Variants in ASTN2 observed in about 807,000 individuals in gnomAD.
ASTN2 encodes astrotactin 2.
A neutral mutation model predicts 139.8 loss-of-function variants in ASTN2; 54 were observed. The observed-to-expected ratio is 0.39, with a 90% CI of 0.31 to 0.48. The LOEUF is 0.48. Among genes scored for constraint, ASTN2 ranks in the 20% least tolerant of loss-of-function variants. The pLI, the probability that ASTN2 is intolerant of heterozygous loss-of-function variation, is 0.95. For missense variants in ASTN2, 1,565 were observed against 1,725.1 expected (o/e 0.91, Z 1.64); for synonymous variants, 756 against 719.5 (o/e 1.05, Z -0.81).
intron 16 of ASTN2, among the ~76,000 whole-genome samples, chr9:116,718,380 G>A (rs1828373180): frequency 6.6e-6 from 1 of 152,182 alleles, no homozygotes; most frequent in Admixed American, 6.5e-5. Flanking sequence ...GAGGCCATGG[G>A]AAGGAATTTG....
Position 117,336,245 on chromosome 9 carries a change from T to G in ASTN2, c.443-44732A>C, listed in dbSNP as rs115935652. ...CACTGGTGCACAGCTCCCAAGAGAC[T>G]GTATGGGGAATAATCCTTTGTAAGA... is the stretch of plus-strand genomic sequence containing the variant. On this transcript the variant is annotated intron_variant, in intron 1 of 22. Coordinates refer to ENST00000313400, the MANE Select transcript of ASTN2 (RefSeq NM_001365068.1). 8.5e-3 allele frequency among the ~76,000 whole-genome samples: 1,292 copies of G among 152,236 alleles called. 18 individuals carry two copies. The highest frequency in any genetic ancestry group is 0.03 in the African/African-American group (1,235 of 41,540).
At chr9:117,140,442 T>A (rs1465276722) in intron 4 of ASTN2, among the ~76,000 whole-genome samples, 1 of 151,886 alleles carries the variant, frequency 6.6e-6, no homozygotes, top group Non-Finnish European at 1.5e-5. Flanking sequence ...AGCTAGAGAC[T>A]ACTGAGTAGA....
intron 3 of ASTN2, among the ~76,000 whole-genome samples, chr9:117,199,515 G>T (rs962262028): frequency 6.6e-6 from 1 of 152,128 alleles, no homozygotes; most frequent in African/African-American, 2.4e-5. Context: ...CGCTGTTTTG[G>T]TTGCTGTAGG....
intron 13 of ASTN2, among the ~76,000 whole-genome samples, chr9:116,747,877 T>A (rs892208510): frequency 6.6e-6 from 1 of 152,170 alleles, no homozygotes; most frequent in Non-Finnish European, 1.5e-5. Flanking sequence ...ACTCCTGCCC[T>A]GGTAATTGCG....
chr9:116,596,177 A>G (rs1294414587), intron 19 of ASTN2, among the ~76,000 whole-genome samples: 1 of 152,254 alleles, frequency 6.6e-6, no homozygotes, highest in African/African-American at 2.4e-5. Flanking sequence ...TAAGCCAGTC[A>G]CAGAAGAACA....
intron 3 of ASTN2, among the ~76,000 whole-genome samples, chr9:117,164,465 G>A (rs1484639213): frequency 6.6e-6 from 1 of 152,112 alleles, no homozygotes; most frequent in Non-Finnish European, 1.5e-5. Flanking sequence ...ATAAAGGAGA[G>A]CAGAATCCTA....
At chr9:116,476,904 C>T (rs1411543172) in intron 20 of ASTN2, among the ~76,000 whole-genome samples, 1 of 152,160 alleles carries the variant, frequency 6.6e-6, no homozygotes, top group East Asian at 1.9e-4. Flanking sequence ...ACATCCTGTC[C>T]CTCCTCCAGT....
At chr9:116,432,627 C>T (rs1847532406) in intron 22 of ASTN2, among the ~76,000 whole-genome samples, 1 of 152,152 alleles carries the variant, frequency 6.6e-6, no homozygotes, top group Non-Finnish European at 1.5e-5. Flanking sequence ...CTTTACTGTG[C>T]AAGAATAATG....
intron 4 of ASTN2, among the ~76,000 whole-genome samples, chr9:117,103,435 G>A (rs1470328492): frequency 6.6e-6 from 1 of 152,172 alleles, no homozygotes; most frequent in Non-Finnish European, 1.5e-5. Context: ...GGTGTGCTCT[G>A]GGGCTAATCA....
intron 3 of ASTN2, among the ~76,000 whole-genome samples, chr9:117,203,310 T>TGAAGCC (rs1337780432): frequency 2.0e-5 from 3 of 152,122 alleles, no homozygotes; most frequent in Non-Finnish European, 4.4e-5. Context: ...TGGTTTTTTA[T>TGAAGCC]TACCCATCTT....
At chr9:116,742,505 T>C (rs1564243473) in intron 13 of ASTN2, among the ~76,000 whole-genome samples, 1 of 152,074 alleles carries the variant, frequency 6.6e-6, no homozygotes, top group Non-Finnish European at 1.5e-5. Context: ...AGTACAAGGG[T>C]AGTGTCAATA....
chr9:116,431,441 A>T, intron 22 of ASTN2, among the ~76,000 whole-genome samples: 1 of 152,184 alleles, frequency 6.6e-6, no homozygotes, highest in East Asian at 1.9e-4. Flanking sequence ...TAATGGCTTC[A>T]TTCATGGTGT....
chr9:117,160,426 G>C (rs1830522438), intron 3 of ASTN2, among the ~76,000 whole-genome samples: 2 of 47,552 alleles, frequency 4.2e-5, no homozygotes, highest in Non-Finnish European at 9.9e-5. Context: ...AAGGCCACTG[G>C]AGGGTAATCA....
At chr9:116,575,721 CA>C (rs1460884242) in intron 19 of ASTN2, among the ~76,000 whole-genome samples, 1 of 152,160 alleles carries the variant, frequency 6.6e-6, no homozygotes, top group East Asian at 1.9e-4. Context: ...GTCCCAAAAG[CA>C]AGTTCCTTAA....
chr9:117,114,838 T>C (rs1470705717), intron 4 of ASTN2, among the ~76,000 whole-genome samples: 1 of 152,162 alleles, frequency 6.6e-6, no homozygotes, highest in African/African-American at 2.4e-5. Context: ...ACCTGACTAC[T>C]CAGAGATTAG....
intron 20 of ASTN2, among the ~76,000 whole-genome samples, chr9:116,461,413 T>C (rs1273572153): frequency 6.6e-6 from 1 of 152,050 alleles, no homozygotes; most frequent in Non-Finnish European, 1.5e-5. Flanking sequence ...TTTATATACA[T>C]GTATACGCAT....
intron 6 of ASTN2, among the ~76,000 whole-genome samples, chr9:117,024,363 C>G (rs1362519000): frequency 1.3e-5 from 2 of 152,002 alleles, no homozygotes; most frequent in Non-Finnish European, 2.9e-5. Flanking sequence ...AATTCAATAA[C>G]AGGAATCATA....
chr9:117,165,628 T>C (rs1311306387), intron 3 of ASTN2, among the ~76,000 whole-genome samples: 2 of 152,232 alleles, frequency 1.3e-5, no homozygotes, highest in Admixed American at 1.3e-4. Flanking sequence ...GGGCCACCTG[T>C]GTTCACTCTG....
chr9:116,910,795 G>C (rs2132420258), intron 10 of ASTN2, among the ~76,000 whole-genome samples: 1 of 152,330 alleles, frequency 6.6e-6, no homozygotes. Flanking sequence ...TATCTGTTAA[G>C]AGGGTGACAG....
Sources: allele counts gnomAD v4.1 joint callset (sites outside exome capture counted in the v4.1 genomes callset), GRCh38; gene constraint gnomAD v4.1.1; transcripts MANE v1.5; gene names NCBI Gene and HGNC (gene_info 2026-07-23, HGNC 2026-07-21).